Variants in DHX33 observed in about 807,000 individuals in gnomAD.
DHX33 encodes ATP-dependent RNA helicase DHX33.
In DHX33, 42 loss-of-function variants were observed where a neutral mutation model predicts 72.5. The observed-to-expected ratio is 0.58, with a 90% CI of 0.45 to 0.75. The LOEUF (loss-of-function observed/expected upper bound fraction) is 0.75, where lower values mean the gene tolerates loss of function less well. Ranked by LOEUF, DHX33 falls within the 30% of genes least tolerant of loss-of-function variation. The pLI is 0.00. For missense variants in DHX33, 842 were observed against 917.5 expected (o/e 0.92, Z 1.06); for synonymous variants, 358 against 366.1 (o/e 0.98, Z 0.25).
At chr17:5,466,590 A>G (rs185593691) in intron 1 of DHX33, among the ~76,000 whole-genome samples, 7 of 152,332 alleles carry the variant, frequency 4.6e-5, no homozygotes, top group Admixed American at 4.6e-4. Flanking sequence ...AAAGTCATGA[A>G]AAATTTTATG....
intron 4 of DHX33, among the ~76,000 whole-genome samples, chr17:5,457,019 C>T (rs1485421179): frequency 6.6e-6 from 1 of 152,202 alleles, no homozygotes; most frequent in African/African-American, 2.4e-5. Flanking sequence ...TCTTTGATTT[C>T]TGATCAGATA....
chr17:5,462,309 T>C lies in DHX33; in HGVS notation c.678+10A>G. ...TTCCCTCATACTTTCAGGGGAAGTT[T>C]CCCTCATACTTTCAGAGGAAGTTTC... On this transcript the variant is annotated intron_variant, in intron 3 of 11. Coordinates refer to ENST00000225296, the MANE Select transcript of DHX33 (RefSeq NM_020162.4). The C allele has an allele frequency of 6.2e-7, 1 of 1,611,810 alleles. No individual in the cohort carries two copies. The highest frequency in any genetic ancestry group is 8.5e-7 in the Non-Finnish European group (1 of 1,178,252).
Position 5,455,185 on chromosome 17 carries a change from C to A in DHX33, c.1122G>T (p.Met374Ile). ...TGIKYVVDTGMVKAKKYNPDS... is the reference protein window; with the variant it reads ...TGIKYVVDTGIVKAKKYNPDS... Reference sequence around the variant, plus strand: ...CAGGGTTATACTTCTTTGCTTTAACCATGCCCGTGTCAACTACATATTTTA... The same window carrying A: ...CAGGGTTATACTTCTTTGCTTTAACAATGCCCGTGTCAACTACATATTTTA... Residue 374 changes from methionine (M) to isoleucine (I), a missense_variant, in exon 6 of 12, where the codon ATG (methionine) becomes ATT (isoleucine). Physicochemically the swap from Met to Ile is conservative, Grantham distance 10. Coordinates refer to ENST00000225296, the MANE Select transcript of DHX33 (RefSeq NM_020162.4). The A allele has an allele frequency of 6.2e-7, 1 of 1,614,120 alleles. No homozygotes were observed. The highest frequency in any genetic ancestry group is 8.5e-7 in the Non-Finnish European group (1 of 1,179,972).
intron 11 of DHX33, among the ~76,000 whole-genome samples, chr17:5,447,518 G>C (rs561566384): frequency 6.6e-6 from 1 of 152,244 alleles, no homozygotes; most frequent in South Asian, 2.1e-4. Context: ...CAGCTACTCG[G>C]GAGGCTGAGG....
rs765441148 is a variant in DHX33, at chr17:5,462,405, C to T, written c.592G>A (p.Glu198Lys). 3.1e-6 allele frequency: 5 copies of T among 1,614,070 alleles called. No homozygotes were observed. The highest frequency in any genetic ancestry group is 1.6e-4 in the Middle Eastern group (1 of 6,084). ...AGCACATCTGTGTGGATAGTCCGTT[C>T]GTGAGCTTCATCCAAAATGACACAG... Reference protein sequence around the residue: ...YSCVILDEAHERTIHTDVLFG... With the variant: ...YSCVILDEAHKRTIHTDVLFG... The change falls in exon 3 of 12, where the codon GAA becomes AAA. Residue 198 changes from glutamate to lysine, a missense_variant. By Grantham distance (56) the Glu-to-Lys change is moderately conservative. Coordinates refer to ENST00000225296, the MANE Select transcript of DHX33 (RefSeq NM_020162.4).
In DHX33 at chr17:5,446,577, A is replaced by G. The variant is rs559075175; in HGVS notation, c.1816-2064T>C. 2.6e-5 allele frequency among the ~76,000 whole-genome samples: 4 copies of G among 152,384 alleles called. No homozygotes were observed. The South Asian group carries it at 6.2e-4, about 24-fold the overall frequency. ...AGGAGTTTAAATAAGGCAGCCACAT[A>G]AAAAGTACTCAGAACAGTGCTGAAC... On this transcript the variant is annotated intron_variant, in intron 11 of 11. Transcript: ENST00000225296.
chr17:5,444,441 T>C lies in DHX33; in HGVS notation c.1888A>G (p.Met630Val), dbSNP rs199938817. 8.1e-6 allele frequency: 13 copies of C among 1,614,188 alleles called. No homozygotes were observed. In the Admixed American group the frequency reaches 1.3e-4, roughly 17 times the overall value. ...TCTGGCTGAAGCTCGGCGGTGCTCA[T>C]GAAGAGGCTGTGAGCCAGGCAGCGG... ...VRRCLAHSLF[M>V]STAELQPDGT... The change falls in exon 12 of 12, where the codon ATG becomes GTG. Residue 630 changes from methionine to valine, a missense_variant. Met to Val is a conservative substitution (Grantham distance 21, BLOSUM62 1). Coordinates refer to ENST00000225296, the MANE Select transcript of DHX33 (RefSeq NM_020162.4). This position sits in a 1 kb window ranked among gnomAD's most constrained non-coding sequence, Gnocchi z 4.9.
chr17:5,461,936 CTTTTT>C (rs35332211), intron 3 of DHX33, among the ~76,000 whole-genome samples: 1 of 113,694 alleles, frequency 8.8e-6, no homozygotes, highest in African/African-American at 3.7e-5. Context: ...TGAACTTTCA[CTTTTT>C]TTTTTTTTTT....
intron 11 of DHX33, 23 bp downstream of exon 11, chr17:5,448,786 A>G (rs776647980): frequency 3.2e-6 from 5 of 1,560,184 alleles, no homozygotes; most frequent in Middle Eastern, 1.7e-4. Context: ...TGTCACCCAC[A>G]GAACACTAGG....
chr17:5,446,625 ATTATT>A (rs985960811), intron 11 of DHX33, among the ~76,000 whole-genome samples: 1 of 152,216 alleles, frequency 6.6e-6, no homozygotes, highest in Non-Finnish European at 1.5e-5. Context: ...AATGATAGTG[ATTATT>A]TTAATTTGAT....
chr17:5,445,520 A>C (rs1245684444), intron 11 of DHX33, among the ~76,000 whole-genome samples: 2 of 152,238 alleles, frequency 1.3e-5, no homozygotes, highest in Non-Finnish European at 1.5e-5. Flanking sequence ...AGGAAATGTC[A>C]GTCACCAGTC....
In DHX33 at chr17:5,468,810, G is replaced by A. The variant is rs745783181; in HGVS notation, c.50C>T (p.Ser17Phe). 1 of 1,588,188 alleles carries A rather than the reference G, an allele frequency of 6.3e-7. No individual in the cohort carries two copies. The highest frequency in any genetic ancestry group is 2.3e-5 in the East Asian group (1 of 43,776). The change falls in exon 1 of 12, where the codon TCT (serine) becomes TTT (phenylalanine). Residue 17 changes from serine to phenylalanine, a missense_variant. Transcript: ENST00000225296. ...FPPAKRFRPG[S>F]GPPSRAGSFP... Reference sequence around the variant, plus strand: ...GGACCCAGCGCGGCTCGGAGGTCCAGAGCCTGGCCGGAATCTCTTGGCCGG... The same window carrying A: ...GGACCCAGCGCGGCTCGGAGGTCCAAAGCCTGGCCGGAATCTCTTGGCCGG...
intron 11 of DHX33, among the ~76,000 whole-genome samples, chr17:5,445,540 G>A (rs1343661761): frequency 6.6e-6 from 1 of 152,182 alleles, no homozygotes; most frequent in Non-Finnish European, 1.5e-5. Context: ...CAATGTCCTT[G>A]TTCTACTGCT....
chr17:5,450,438 C>G lies in DHX33; in HGVS notation c.1525-32G>C, dbSNP rs755752215. The stretch of plus-strand genomic sequence containing the variant: ...AGCAAAATTTAAAATTGTGTAAACC[C>G]AGCTTTCTCCTAGCTTTAGAATGCA... On this transcript the variant is annotated intron_variant, in intron 9 of 11. Coordinates refer to ENST00000225296, the MANE Select transcript of DHX33 (RefSeq NM_020162.4). The G allele has an allele frequency of 9.3e-6, 15 of 1,604,326 alleles. No homozygotes were observed. The South Asian group carries it at 1.7e-4, about 18-fold the overall frequency.
Position 5,444,286 on chromosome 17 carries a change from G to A in DHX33, c.2043C>T (p.Asp681=). 6.2e-7 allele frequency: 1 copy of A among 1,614,218 alleles called. No individual in the cohort carries two copies. Among genetic ancestry groups the A allele is most frequent in the African/African-American group, 1.3e-5 (1 of 75,058 alleles). Residue 681 remains aspartate (D), a synonymous_variant, in exon 12 of 12, where the codon GAC becomes GAT. Coordinates refer to ENST00000225296, the MANE Select transcript of DHX33 (RefSeq NM_020162.4). The surrounding 1 kb of genome is among the most constrained non-coding windows in gnomAD (Gnocchi z 4.9). ...GCCACTGTGCATCTATGACGCAGAG[G>A]TCCCGCATGTAGCACTTGTTGGTGT... is the stretch of plus-strand genomic sequence containing the variant. ...LLYTNKCYMR[D]LCVIDAQWLY...
chr17:5,456,162 G>A lies in DHX33; in HGVS notation c.870C>T (p.Asp290=). ...QIHQEAPSSQ[D]ILVFLTGQEE... ...CCTGCCCAGTGAGGAACACCAGGAT[G>A]TCCTGTGAAGAAGGGGCTTCCTGTA... is the stretch of plus-strand genomic sequence containing the variant. The change falls in exon 5 of 12, where the codon GAC becomes GAT. Residue 290 remains aspartate (D), a synonymous_variant. Coordinates refer to ENST00000225296, the MANE Select transcript of DHX33 (RefSeq NM_020162.4). The A allele has an allele frequency of 1.2e-6, 2 of 1,614,078 alleles. No homozygotes were observed. Among genetic ancestry groups the A allele is most frequent in the Non-Finnish European group, 8.5e-7 (1 of 1,179,930 alleles).
rs2151679552 is a variant in DHX33, at chr17:5,441,775, A to C, written c.*2430T>G. 1 of 152,378 alleles carries C rather than the reference A, an allele frequency of 6.6e-6. No individual in the cohort carries two copies. The highest frequency in any genetic ancestry group is 2.1e-4 in the South Asian group (1 of 4,832). The allele number at this position is 152,378 out of a possible 1,614,324, so 9.4% of individuals were successfully genotyped here. On this transcript the variant is annotated 3_prime_UTR_variant, in exon 12 of 12. Coordinates refer to ENST00000225296, the MANE Select transcript of DHX33 (RefSeq NM_020162.4). ...GATAAACTTATTTCTGTACAGAAACATTAAAGCTACTTAGAAGCTGTTTAC... is the reference window on the plus strand; with the variant it reads ...GATAAACTTATTTCTGTACAGAAACCTTAAAGCTACTTAGAAGCTGTTTAC...
chr17:5,451,589 G>C (rs183678357), intron 8 of DHX33, among the ~76,000 whole-genome samples: 77 of 152,190 alleles, frequency 5.1e-4, no homozygotes, highest in Admixed American at 6.5e-4. Flanking sequence ...GTTGTCTCAG[G>C]GGCCAGCTGG....
At chr17:5,462,222 G>T in intron 3 of DHX33, 97 bp downstream of exon 3, 2 of 1,181,650 alleles carry the variant, frequency 1.7e-6, no homozygotes, top group Middle Eastern at 2.7e-4. Context: ...TTACAGGCGT[G>T]AGCCACCGCG....
Sources: allele counts gnomAD v4.1 joint callset (sites outside exome capture counted in the v4.1 genomes callset), GRCh38; gene constraint gnomAD v4.1.1; non-coding constraint Gnocchi (gnomAD v3.1); transcripts MANE v1.5; gene names NCBI Gene and HGNC (gene_info 2026-07-23, HGNC 2026-07-21).